The following TAFA1 variants were observed in gnomAD, a reference collection of about 807,000 sequenced individuals.
The protein encoded by TAFA1 is chemokine-like protein TAFA-1.
TAFA1 carries 4 observed loss-of-function variants against 18.5 expected under a neutral mutation model. That is an observed-to-expected ratio of 0.22 (90% confidence interval 0.11 to 0.49). The LOEUF is 0.49. Among genes scored for constraint, TAFA1 ranks in the 20% least tolerant of loss-of-function variants. The pLI is 0.98. For synonymous variants in TAFA1, 56 were observed against 55.2 expected (o/e 1.01, Z -0.06); for missense variants, 147 against 169.0 (o/e 0.87, Z 0.72).
chr3:68,458,424 A>G (rs2071706971), intron 3 of TAFA1, among the ~76,000 whole-genome samples: 1 of 152,198 alleles, frequency 6.6e-6, no homozygotes, highest in African/African-American at 2.4e-5. Context: ...GGAGCATTTT[A>G]TGAATTAGTA....
At chr3:68,057,292 A>G (rs1178175071) in intron 2 of TAFA1, among the ~76,000 whole-genome samples, 1 of 152,208 alleles carries the variant, frequency 6.6e-6, no homozygotes, top group African/African-American at 2.4e-5. Flanking sequence ...TCATCACTTG[A>G]AACAGAACTC....
chr3:68,424,835 T>C (rs2071022269), intron 3 of TAFA1, among the ~76,000 whole-genome samples: 1 of 151,994 alleles, frequency 6.6e-6, no homozygotes, highest in Non-Finnish European at 1.5e-5. Context: ...TCCCAAACTT[T>C]TTAGAACCTT....
chr3:68,146,435 C>T (rs765826851), intron 2 of TAFA1, among the ~76,000 whole-genome samples: 1 of 152,170 alleles, frequency 6.6e-6, no homozygotes, highest in Non-Finnish European at 1.5e-5. Flanking sequence ...CCTCTCCCAG[C>T]GTTCAGAGGC....
chr3:68,500,109 C>T (rs1342247244), intron 3 of TAFA1, among the ~76,000 whole-genome samples: 1 of 152,054 alleles, frequency 6.6e-6, no homozygotes, highest in East Asian at 1.9e-4. Context: ...CTCTAAACAA[C>T]TCCAAGCTCA....
intron 2 of TAFA1, among the ~76,000 whole-genome samples, chr3:68,331,270 G>T (rs79743922): frequency 0.023 from 3,441 of 152,234 alleles, 111 homozygotes; most frequent in East Asian, 0.17. Flanking sequence ...ATAAATGGTT[G>T]CTAGGGTTAT....
intron 2 of TAFA1, among the ~76,000 whole-genome samples, chr3:68,215,207 A>T (rs1026712192): frequency 6.6e-6 from 1 of 152,042 alleles, no homozygotes; most frequent in African/African-American, 2.4e-5. Context: ...AATATATGCC[A>T]AGCACTTTCC....
chr3:68,088,556 T>C (rs1321281730), intron 2 of TAFA1, among the ~76,000 whole-genome samples: 1 of 152,170 alleles, frequency 6.6e-6, no homozygotes, highest in Admixed American at 6.6e-5. Context: ...ATTTCTTAGT[T>C]TCTGTCAGTC....
the TAFA1 span, among the ~76,000 whole-genome samples, chr3:67,996,944 A>G: frequency 6.6e-6 from 1 of 152,196 alleles, no homozygotes; most frequent in Non-Finnish European, 1.5e-5. Flanking sequence ...TAGATGCTAC[A>G]GCAAGTGCAG....
At chr3:68,424,021 T>A (rs1193157524) in intron 3 of TAFA1, among the ~76,000 whole-genome samples, 1 of 151,978 alleles carries the variant, frequency 6.6e-6, no homozygotes, top group African/African-American at 2.4e-5. Flanking sequence ...CCAGGTTACA[T>A]CAGAAAACTT....
At chr3:68,120,079 C>T (rs1417065571) in intron 2 of TAFA1, among the ~76,000 whole-genome samples, 1 of 152,172 alleles carries the variant, frequency 6.6e-6, no homozygotes, top group East Asian at 1.9e-4. Flanking sequence ...GTAAAAAATA[C>T]TCAAGTGGTC....
At chr3:68,020,776 A>G (rs1258677700) in intron 2 of TAFA1, among the ~76,000 whole-genome samples, 3 of 152,204 alleles carry the variant, frequency 2.0e-5, no homozygotes, top group Non-Finnish European at 4.4e-5. Context: ...TATGGAATAC[A>G]TAATAGTTGG....
At chr3:68,191,622 A>C (rs748737481) in intron 2 of TAFA1, among the ~76,000 whole-genome samples, 1 of 151,844 alleles carries the variant, frequency 6.6e-6, no homozygotes, top group Non-Finnish European at 1.5e-5. Context: ...AGCTCATCCT[A>C]ACTCTATAGT....
At chr3:68,439,195 T>C (rs922790904) in intron 3 of TAFA1, among the ~76,000 whole-genome samples, 40 of 152,000 alleles carry the variant, frequency 2.6e-4, no homozygotes, top group African/African-American at 9.6e-4. Flanking sequence ...ATCTTTCTAC[T>C]CTTCTTTCTT....
chr3:68,103,964 C>T (rs905289229), intron 2 of TAFA1, among the ~76,000 whole-genome samples: 85 of 152,120 alleles, frequency 5.6e-4, no homozygotes, highest in African/African-American at 1.9e-3. Context: ...AGCTTCTTCC[C>T]ATTGACTTAA....
rs186629562 is a variant in TAFA1, at chr3:68,419,808, A to G, written c.259+2388A>G. Among the ~76,000 whole-genome samples, 1,053 of 152,304 alleles carry G rather than the reference A, an allele frequency of 6.9e-3. 2 individuals are homozygous for G. The highest frequency in any genetic ancestry group is 0.01 in the Non-Finnish European group (695 of 68,020). On this transcript the variant is annotated intron_variant, in intron 3 of 4. Coordinates refer to ENST00000478136, the MANE Select transcript of TAFA1 (RefSeq NM_213609.4). Reference sequence around the variant, plus strand: ...CACACTCAAGCTAGGCTAAGTAAAGAGGAAGTATTTTAAGAAAATAAAGGA... The same window carrying G: ...CACACTCAAGCTAGGCTAAGTAAAGGGGAAGTATTTTAAGAAAATAAAGGA...
chr3:68,055,737 T>A (rs1166861514), intron 2 of TAFA1, among the ~76,000 whole-genome samples: 2 of 152,056 alleles, frequency 1.3e-5, no homozygotes, highest in Non-Finnish European at 2.9e-5. Context: ...GAGTCTGGAG[T>A]GCATTTACAC....
At chr3:68,108,228 T>G (rs1022575511) in intron 2 of TAFA1, among the ~76,000 whole-genome samples, 18 of 152,108 alleles carry the variant, frequency 1.2e-4, no homozygotes, top group African/African-American at 4.3e-4. Flanking sequence ...TCAAAAAAAG[T>G]AGAAACTTGT....
intron 2 of TAFA1, among the ~76,000 whole-genome samples, chr3:68,325,770 C>T (rs2068767002): frequency 6.6e-6 from 1 of 152,246 alleles, no homozygotes; most frequent in South Asian, 2.1e-4. Context: ...GTATTAAATT[C>T]TTCATAAGCT....
chr3:68,476,328 T>C (rs2072096269), intron 3 of TAFA1, among the ~76,000 whole-genome samples: 1 of 152,230 alleles, frequency 6.6e-6, no homozygotes, highest in African/African-American at 2.4e-5. Context: ...TTCAGAAACC[T>C]GCAGCCATTC....
Sources: gnomAD v4.1 joint callset for allele counts (sites outside exome capture counted in the v4.1 genomes callset) on GRCh38, gnomAD v4.1.1 for gene constraint, MANE v1.5 for transcripts, NCBI Gene and HGNC (gene_info 2026-07-23, HGNC 2026-07-21) for gene names.